PNPLA6: variants seen among roughly 807,000 people sequenced by gnomAD.
PNPLA6 encodes patatin like domain 6, lysophospholipase, also known as patatin-like phospholipase domain-containing protein 6.
A neutral mutation model predicts 153.7 loss-of-function variants in PNPLA6; 105 were observed. That is an observed-to-expected ratio of 0.68 (90% CI 0.58 to 0.80). The LOEUF (loss-of-function observed/expected upper bound fraction) is 0.80, where lower values mean the gene tolerates loss of function less well. Ranked by LOEUF, PNPLA6 falls within the 30% of genes least tolerant of loss-of-function variation. The pLI is 0.00. For missense variants in PNPLA6, 1,423 were observed against 1,919.3 expected (o/e 0.74, Z 4.83); for synonymous variants, 825 against 822.2 (o/e 1.00, Z -0.06).
rs375361264 is a variant in PNPLA6 at position 7,540,574 on chromosome 19, G to A, written c.715-56G>A. On this transcript the variant is annotated intron_variant, in intron 5 of 31. Coordinates refer to ENST00000600737, the MANE Select transcript of PNPLA6 (RefSeq NM_001166114.2). This position sits in a 1 kb window ranked among gnomAD's most constrained non-coding sequence, Gnocchi z 6.8. ...TGATCATTGGGATGGATGAGGGGGC[G>A]ACATGCCAGTCACCAGGGCGAGGCC... 15 of 1,372,544 alleles carry A rather than the reference G, an allele frequency of 1.1e-5. No homozygotes were observed. The highest frequency in any genetic ancestry group is 9.9e-5 in the African/African-American group (7 of 70,494). 85.0% of individuals were successfully genotyped at this position (1,372,544 alleles called of 1,614,324 possible).
chr19:7,542,991 C>CCCCCTACCTCCCCAGGA lies in PNPLA6; in HGVS notation c.1531-10_1537dup, dbSNP rs770365418. Reference sequence around the variant, plus strand: ...GAGGCCTGGCTGCGCCCATCTCAACCCCCCTACCTCCCCAGGACCCCTCCC... The same window carrying CCCCCTACCTCCCCAGGA: ...GAGGCCTGGCTGCGCCCATCTCAACCCCCCTACCTCCCCAGGACCCCTACCTCCCCAGGACCCCTCCC... On this transcript the variant is annotated splice_polypyrimidine_tract_variant and intron_variant, in intron 12 of 31. Coordinates refer to ENST00000600737, the MANE Select transcript of PNPLA6 (RefSeq NM_001166114.2). 1.2e-6 allele frequency: 2 copies of CCCCCTACCTCCCCAGGA among 1,613,896 alleles called. No individual in the cohort carries two copies. The highest frequency in any genetic ancestry group is 1.7e-6 in the Non-Finnish European group (2 of 1,179,908).
chr19:7,543,638 A>C (rs1306200579), intron 13 of PNPLA6, among the ~76,000 whole-genome samples: 1 of 152,136 alleles, frequency 6.6e-6, no homozygotes, highest in African/African-American at 2.4e-5. Context: ...GCTGAAAGTC[A>C]GGAAGCCTCA....
In PNPLA6 at chr19:7,535,980, C is replaced by G. The variant is rs755755496; in HGVS notation, c.192C>G (p.Ala64=). The G allele has an allele frequency of 1.3e-6, 2 of 1,580,928 alleles. No individual in the cohort carries two copies. Among genetic ancestry groups the G allele is most frequent in the Admixed American group, 1.8e-5 (1 of 54,698 alleles). Residue 64 remains alanine (A), a synonymous_variant, in exon 1 of 32, where the codon GCC becomes GCG. Transcript: ENST00000600737. This position sits in a 1 kb window ranked among gnomAD's most constrained non-coding sequence, Gnocchi z 5.0. Reference sequence around the variant, plus strand: ...CCGGAGTGGCGGTGGTGGTCACGGCCGTGCTCATCCTCCTGGTGGTGCGGA... The same window carrying G: ...CCGGAGTGGCGGTGGTGGTCACGGCGGTGCTCATCCTCCTGGTGGTGCGGA... ...IGAGVAVVVT[A]VLILLVVRRL... is the part of the protein sequence containing the mutation.
At chr19:7,553,320 C>T (rs964436028) in intron 18 of PNPLA6, among the ~76,000 whole-genome samples, 15 of 152,156 alleles carry the variant, frequency 9.9e-5, no homozygotes, top group African/African-American at 2.7e-4. Context: ...GGCACGATCT[C>T]GGCTCACTGC....
chr19:7,559,226 A>G (rs564167451), intron 28 of PNPLA6, 75 bp downstream of exon 28: 22 of 1,294,162 alleles, frequency 1.7e-5, no homozygotes, highest in Non-Finnish European at 2.5e-5. Flanking sequence ...CCAGAGTGGT[A>G]TGAGGGGGAG....
At chr19:7,559,296 A>G (rs1384358547) in intron 28 of PNPLA6, 145 bp downstream of exon 28, 14 of 767,096 alleles carry the variant, frequency 1.8e-5, no homozygotes, top group Admixed American at 1.2e-4. Flanking sequence ...TCAGTGATCA[A>G]TTGGTGATGT....
At position 7,555,305 on chromosome 19, in the gene PNPLA6, C is replaced by T. The variant is rs1005104198; in HGVS notation, c.2874C>T (p.Ser958=). The change falls in exon 23 of 32, where the codon TCC becomes TCT. Residue 958 remains serine, a synonymous_variant. Coordinates refer to ENST00000600737, the MANE Select transcript of PNPLA6 (RefSeq NM_001166114.2). This position sits in a 1 kb window ranked among gnomAD's most constrained non-coding sequence, Gnocchi z 6.3. ...GCGCGGACCGGCACAGCGACTTCTC[C>T]CGCTTGGCGAGGGTGCTCACGGGGA... ...SRRADRHSDF[S]RLARVLTGNT... 1.9e-6 allele frequency: 3 copies of T among 1,586,536 alleles called. No individual in the cohort carries two copies. The highest frequency in any genetic ancestry group is 2.6e-6 in the Non-Finnish European group (3 of 1,166,244).
chr19:7,540,174 C>G lies in PNPLA6; in HGVS notation c.580C>G (p.Leu194Val), dbSNP rs2023063628. 6.2e-7 allele frequency: 1 copy of G among 1,611,198 alleles called. No individual in the cohort carries two copies. The highest frequency in any genetic ancestry group is 8.5e-7 in the Non-Finnish European group (1 of 1,180,014). ...VRVLGHFEKPLFLELCRHMVF... is the reference protein window; with the variant it reads ...VRVLGHFEKPVFLELCRHMVF... ...GGTGCTGGGCCACTTCGAGAAGCCA[C>G]TCTTCCTGGAGCTCTGCCGCCACAT... Residue 194 changes from leucine (L) to valine (V), a missense_variant, in exon 5 of 32, where the codon CTC becomes GTC. Transcript: ENST00000600737. This position sits in a 1 kb window ranked among gnomAD's most constrained non-coding sequence, Gnocchi z 6.8.
At position 7,556,550 on chromosome 19, in the gene PNPLA6, T is replaced by C; in HGVS notation, c.3191T>C (p.Phe1064Ser). The C allele has an allele frequency of 6.2e-7, 1 of 1,613,138 alleles. No individual in the cohort carries two copies. Residue 1064 changes from phenylalanine (F) to serine (S), a missense_variant, in exon 25 of 32, where the codon TTC (phenylalanine) becomes TCC (serine). Transcript: ENST00000600737. Reference sequence around the variant, plus strand: ...TTTAACCGCAGCATCCATCGGGTCTTCCAGGATAAGCAGATTGAGGTAGGC... The same window carrying C: ...TTTAACCGCAGCATCCATCGGGTCTCCCAGGATAAGCAGATTGAGGTAGGC... ...SAFNRSIHRV[F>S]QDKQIEDLWL...
In PNPLA6 at chr19:7,541,167, C is replaced by G; in HGVS notation, c.924+116C>G. On this transcript the variant is annotated intron_variant, in intron 7 of 31. Coordinates refer to ENST00000600737, the MANE Select transcript of PNPLA6 (RefSeq NM_001166114.2). The surrounding 1 kb of genome is among the most constrained non-coding windows in gnomAD (Gnocchi z 5.2). ...CAGCAGGCGCTGGAGCTGTGGTTATCGGCCTGGAGCAGCCAGATGTCTGCA... is the reference window on the plus strand; with the variant it reads ...CAGCAGGCGCTGGAGCTGTGGTTATGGGCCTGGAGCAGCCAGATGTCTGCA... 1.5e-6 allele frequency: 2 copies of G among 1,302,162 alleles called. No homozygotes were observed. The highest frequency in any genetic ancestry group is 1.1e-6 in the Non-Finnish European group (1 of 925,250). The allele number at this position is 1,302,162 out of a possible 1,614,324, so 80.7% of individuals were successfully genotyped here.
At chr19:7,554,130 G>A in intron 19 of PNPLA6, 79 bp from the exon 20 acceptor site, 3 of 1,572,306 alleles carry the variant, frequency 1.9e-6, no homozygotes, top group Non-Finnish European at 2.6e-6. Flanking sequence ...CAGGGGCGGG[G>A]TAATGGGTAT....
At chr19:7,534,599 C>A (rs1010824737), upstream of PNPLA6, 11 of 153,886 alleles carry the variant, frequency 7.1e-5, no homozygotes, top group African/African-American at 2.2e-4. Context: ...GACGCCCTCC[C>A]CAGGCCCGCT....
intron 31 of PNPLA6, 53 bp from the exon 32 acceptor site, chr19:7,561,435 G>A: frequency 6.7e-7 from 1 of 1,492,370 alleles, no homozygotes; most frequent in Non-Finnish European, 9.2e-7. Flanking sequence ...TGGCTGACAT[G>A]TGACGCATCA....
rs181019377 is a variant in PNPLA6, at chr19:7,542,303, C to T, written c.1252+236C>T. Among the ~76,000 whole-genome samples, 22 of 152,320 alleles carry T rather than the reference C, an allele frequency of 1.4e-4. 1 individual carries two copies. The South Asian group carries it at 2.1e-3, about 14-fold the overall frequency. ...TCTGCTACAGCAGTGGCCCATGGCA[C>T]ATTGGTATCCATTGGTCTCAGACTG... On this transcript the variant is annotated intron_variant, in intron 10 of 31. Transcript: ENST00000600737.
At chr19:7,535,682 T>G (rs934628555), upstream of PNPLA6, 1 of 1,530,954 alleles carries the variant, frequency 6.5e-7, no homozygotes, top group African/African-American at 1.4e-5. This position sits in a 1 kb window ranked among gnomAD's most constrained non-coding sequence, Gnocchi z 5.0. Context: ...GATAACGCGC[T>G]GCGTCCGCTC....
In PNPLA6 at chr19:7,557,164, G is replaced by A. The variant is rs555997335; in HGVS notation, c.3281-4G>A. The A allele has an allele frequency of 2.0e-5, 32 of 1,605,010 alleles. No homozygotes were observed. In the East Asian group the frequency reaches 2.0e-4, roughly 10 times the overall value. On this transcript the variant is annotated splice_region_variant and splice_polypyrimidine_tract_variant and intron_variant, in intron 26 of 31. Coordinates refer to ENST00000600737, the MANE Select transcript of PNPLA6 (RefSeq NM_001166114.2). ...TGTTTGTGTCTGTGTGTCCCACCGCGCAGGCTCCCTGTGGCGGTACGTGCG... is the reference window on the plus strand; with the variant it reads ...TGTTTGTGTCTGTGTGTCCCACCGCACAGGCTCCCTGTGGCGGTACGTGCG...
chr19:7,535,344 C>G (rs1599261565), upstream of PNPLA6: 7 of 654,094 alleles, frequency 1.1e-5, no homozygotes, highest in South Asian at 8.5e-5. The surrounding 1 kb of genome is among the most constrained non-coding windows in gnomAD (Gnocchi z 5.0). Flanking sequence ...TTTGCTCCAT[C>G]CCTTAGTCCC....
intron 1 of PNPLA6, 68 bp from the exon 2 acceptor site, chr19:7,536,123 G>A: frequency 6.5e-7 from 1 of 1,532,784 alleles, no homozygotes. Flanking sequence ...TCTGTTCGCG[G>A]TACCCCAGCT....
Position 7,561,603 on chromosome 19 carries a change from C to G in PNPLA6, c.*41C>G. The G allele has an allele frequency of 6.9e-7, 1 of 1,446,640 alleles. No individual in the cohort carries two copies. Among genetic ancestry groups the G allele is most frequent in the Non-Finnish European group, 9.4e-7 (1 of 1,059,050 alleles). 89.6% of individuals were successfully genotyped at this position (1,446,640 alleles called of 1,614,324 possible). ...TCACCCCCTCCCTCCCACCCCTGGA[C>G]TGGGCTGGGGGTGGCCCCGTGGGGG... On this transcript the variant is annotated 3_prime_UTR_variant, in exon 32 of 32. Transcript: ENST00000600737.
Sources: allele counts gnomAD v4.1 joint callset (sites outside exome capture counted in the v4.1 genomes callset), GRCh38; gene constraint gnomAD v4.1.1; non-coding constraint Gnocchi (gnomAD v3.1); transcripts MANE v1.5; gene names NCBI Gene and HGNC (gene_info 2026-07-23, HGNC 2026-07-21).